The following PCOLCE2 variants were observed in gnomAD, a reference collection of about 807,000 sequenced individuals.
PCOLCE2 encodes procollagen C-endopeptidase enhancer 2, also known as procollagen C-proteinase enhancer 2.
In PCOLCE2, 42 loss-of-function variants were observed where a neutral mutation model predicts 47.0. The observed-to-expected ratio is 0.89, with a 90% CI of 0.70 to 1.16. The LOEUF is 1.16. Among genes scored for constraint, PCOLCE2 ranks in the 50% most tolerant of loss-of-function variants. PCOLCE2 has a pLI of 0.00. For missense variants in PCOLCE2, 500 were observed against 526.1 expected, an observed-to-expected ratio of 0.95 and a Z score of 0.49; for synonymous variants, 169 against 191.7, an observed-to-expected ratio of 0.88 and a Z score of 0.98.
At chr3:142,884,487 T>A (rs1933685401) in intron 2 of PCOLCE2, among the ~76,000 whole-genome samples, 1 of 152,232 alleles carries the variant, frequency 6.6e-6, no homozygotes, top group Non-Finnish European at 1.5e-5. Context: ...CAGAATCAAC[T>A]CCTACAGTAA....
At chr3:142,835,503 C>T (rs1477901224) in intron 5 of PCOLCE2, among the ~76,000 whole-genome samples, 1 of 152,040 alleles carries the variant, frequency 6.6e-6, no homozygotes, top group South Asian at 2.1e-4. Context: ...CAACATATAA[C>T]TGGATTTTGT....
At chr3:142,829,617 T>A (rs904434417) in intron 6 of PCOLCE2, 75 bp downstream of exon 6, 4 of 1,114,570 alleles carry the variant, frequency 3.6e-6, no homozygotes, top group Admixed American at 5.2e-5. Context: ...CTTCCTCTTA[T>A]TTTTTTTCTA....
chr3:142,866,560 GGTACAAGAACA>G (rs1459660087), intron 2 of PCOLCE2, among the ~76,000 whole-genome samples: 2 of 151,800 alleles, frequency 1.3e-5, no homozygotes, highest in Non-Finnish European at 2.9e-5. Flanking sequence ...TAATATAATG[GGTACAAGAACA>G]GTCTTTTCAA....
chr3:142,885,935 A>G (rs1300356142), intron 2 of PCOLCE2, among the ~76,000 whole-genome samples: 5 of 152,192 alleles, frequency 3.3e-5, no homozygotes, highest in African/African-American at 1.2e-4. Flanking sequence ...TTTGTTCTTC[A>G]GACAAATCAA....
chr3:142,834,633 G>A (rs924055496), intron 5 of PCOLCE2, among the ~76,000 whole-genome samples: 1 of 152,092 alleles, frequency 6.6e-6, no homozygotes, highest in African/African-American at 2.4e-5. Flanking sequence ...TGAGGTATAA[G>A]GTTAAATTAA....
intron 5 of PCOLCE2, among the ~76,000 whole-genome samples, chr3:142,836,326 G>A (rs567387541): frequency 6.6e-6 from 1 of 152,282 alleles, no homozygotes; most frequent in Admixed American, 6.5e-5. Flanking sequence ...ACATGCTGTG[G>A]TCTTTGCTCC....
chr3:142,876,128 T>C (rs1578050417), intron 2 of PCOLCE2, among the ~76,000 whole-genome samples: 1 of 152,348 alleles, frequency 6.6e-6, no homozygotes, highest in Non-Finnish European at 1.5e-5. Context: ...GTGTCATTCT[T>C]ACATCACCAT....
intron 2 of PCOLCE2, among the ~76,000 whole-genome samples, chr3:142,881,604 G>A (rs988915340): frequency 3.3e-5 from 5 of 152,094 alleles, no homozygotes; most frequent in African/African-American, 7.2e-5. Context: ...CCTAGGCTAC[G>A]ACACTGTACA....
Position 142,865,135 on chromosome 3 carries a change from A to G in PCOLCE2, c.193-16663T>C, listed in dbSNP as rs1391541368. On this transcript the variant is annotated intron_variant, in intron 2 of 8. Coordinates refer to ENST00000295992, the MANE Select transcript of PCOLCE2 (RefSeq NM_013363.4). ...GAGTTTCAACTTCTTTACATCCTCA[A>G]CAACACTTGCTATTCTCTGTGTTTT... Among the ~76,000 whole-genome samples the G allele has an allele frequency of 2.0e-5, 3 of 152,026 alleles. No homozygotes were observed. The East Asian group carries it at 5.8e-4, about 29-fold the overall frequency.
In PCOLCE2 at chr3:142,848,217, C is replaced by T; in HGVS notation, c.448G>A (p.Gly150Arg). The T allele has an allele frequency of 1.9e-6, 3 of 1,613,212 alleles. No homozygotes were observed. Among genetic ancestry groups the T allele is most frequent in the Non-Finnish European group, 2.5e-6 (3 of 1,179,176 alleles). Residue 150 changes from glycine (G) to arginine (R), a missense_variant and splice_region_variant, in exon 3 of 9, where the codon GGG (glycine) becomes AGG (arginine). Physicochemically the swap from Gly to Arg is moderately radical, Grantham distance 125 (BLOSUM62 -2). Transcript: ENST00000295992. Reference protein sequence around the residue: ...MFSAAEPNERGDQYCGGLLDR... With the variant: ...MFSAAEPNERRDQYCGGLLDR... ...TATTGCCATTATGTGGAAACAGTAC[C>T]TCTTTCGTTTGGTTCAGCAGCGGAG...
intron 2 of PCOLCE2, chr3:142,864,000 A>G (rs905526163): frequency 9.1e-6 from 1 of 109,334 alleles, no homozygotes; most frequent in African/African-American, 5.1e-5. Flanking sequence ...CACATTTAAG[A>G]AAAAAAAAAT....
At chr3:142,843,263 A>G (rs1160000164) in intron 3 of PCOLCE2, 4 of 630,706 alleles carry the variant, frequency 6.3e-6, no homozygotes, top group Non-Finnish European at 1.2e-5. Context: ...GCATAGCAAC[A>G]CGAGAGAGGG....
At chr3:142,833,511 TTATAAC>T (rs1224248783) in intron 5 of PCOLCE2, among the ~76,000 whole-genome samples, 1 of 151,568 alleles carries the variant, frequency 6.6e-6, no homozygotes, top group African/African-American at 2.4e-5. Context: ...ACCCTCAACA[TTATAAC>T]TATGAGATTC....
At chr3:142,836,811 G>A (rs1440673715) in intron 5 of PCOLCE2, among the ~76,000 whole-genome samples, 1 of 152,056 alleles carries the variant, frequency 6.6e-6, no homozygotes, top group Non-Finnish European at 1.5e-5. Flanking sequence ...AAGAAAAAGA[G>A]GAGGGTTAAT....
At chr3:142,886,331 G>A (rs1243009104) in intron 2 of PCOLCE2, among the ~76,000 whole-genome samples, 1 of 151,904 alleles carries the variant, frequency 6.6e-6, no homozygotes, top group African/African-American at 2.4e-5. Flanking sequence ...CTGAGCCATT[G>A]ATTTTCTAGG....
Position 142,848,223 on chromosome 3 carries a change from C to T in PCOLCE2, c.442G>A (p.Glu148Lys), listed in dbSNP as rs761462363. 7.4e-6 allele frequency: 12 copies of T among 1,613,666 alleles called. No individual in the cohort carries two copies. Among genetic ancestry groups the T allele is most frequent in the Middle Eastern group, 1.7e-4 (1 of 6,060 alleles). ...CATTATGTGGAAACAGTACCTCTTT[C>T]GTTTGGTTCAGCAGCGGAGAACATG... ...MAMFSAAEPN[E>K]RGDQYCGGLL... Residue 148 changes from glutamate to lysine, a missense_variant, in exon 3 of 9, where the codon GAA (glutamate) becomes AAA (lysine). Coordinates refer to ENST00000295992, the MANE Select transcript of PCOLCE2 (RefSeq NM_013363.4).
intron 3 of PCOLCE2, chr3:142,846,803 ATTAAT>A (rs1298379175): frequency 7.2e-5 from 11 of 152,154 alleles, no homozygotes; most frequent in Non-Finnish European, 1.3e-4. Context: ...CTCTAGAATT[ATTAAT>A]TTATTTTTTA....
intron 5 of PCOLCE2, 41 bp downstream of exon 5, chr3:142,838,729 G>A (rs1032714864): frequency 7.1e-6 from 11 of 1,555,128 alleles, no homozygotes; most frequent in Non-Finnish European, 9.7e-6. Context: ...AACAAGTTTA[G>A]AGCCATAAAA....
Position 142,823,541 on chromosome 3 carries a change from T to C in PCOLCE2, c.940A>G (p.Ser314Gly). 1.2e-6 allele frequency: 2 copies of C among 1,602,824 alleles called. No homozygotes were observed. The highest frequency in any genetic ancestry group is 1.7e-6 in the Non-Finnish European group (2 of 1,170,220). The change falls in exon 7 of 9, where the codon AGT (serine) becomes GGT (glycine). Residue 314 changes from serine (S) to glycine (G), a missense_variant. Coordinates refer to ENST00000295992, the MANE Select transcript of PCOLCE2 (RefSeq NM_013363.4). The stretch of plus-strand genomic sequence containing the variant: ...GGCTTTTATTTCTTACCAAAGTCAC[T>C]TGAACAATAATTGCCCTCCAGAGTC... ...TGTLEGNYCS[S>G]DFVLAGTVIT...
Sources: gnomAD v4.1 joint callset for allele counts (sites outside exome capture counted in the v4.1 genomes callset) on GRCh38, gnomAD v4.1.1 for gene constraint, MANE v1.5 for transcripts, NCBI Gene and HGNC (gene_info 2026-07-23, HGNC 2026-07-21) for gene names.